TASP1: variants seen among roughly 807,000 people sequenced by gnomAD.
The protein encoded by TASP1 is threonine aspartase 1.
In TASP1, 16 loss-of-function variants were observed where a neutral mutation model predicts 56.6. That is an observed-to-expected ratio of 0.28 (90% CI 0.19 to 0.43). TASP1 has a LOEUF of 0.43. TASP1 is among the 20% of genes least tolerant of loss of function. The pLI, the probability that TASP1 is intolerant of heterozygous loss-of-function variation, is 1.00. For missense variants in TASP1, 393 were observed against 511.6 expected, an observed-to-expected ratio of 0.77 and a Z score of 2.24; for synonymous variants, 179 against 184.2, an observed-to-expected ratio of 0.97 and a Z score of 0.23.
At chr20:13,108,652 G>GGT in the TASP1 span, among the ~76,000 whole-genome samples, 1 of 151,768 alleles carries the variant, frequency 6.6e-6, no homozygotes, top group East Asian at 1.9e-4. Context: ...TCGGCTCACT[G>GGT]CAACATCCGT....
intron 4 of TASP1, among the ~76,000 whole-genome samples, chr20:13,609,672 G>A (rs571261356): frequency 1.7e-3 from 201 of 115,032 alleles, no homozygotes; most frequent in Non-Finnish European, 2.5e-3. Flanking sequence ...GGCAACAAGC[G>A]CAAAACTCTG....
chr20:13,282,723 G>A, the TASP1 span, among the ~76,000 whole-genome samples: 1 of 152,214 alleles, frequency 6.6e-6, no homozygotes, highest in Admixed American at 6.5e-5. Flanking sequence ...GTCGTGTTCT[G>A]TGCAGTACCT....
chr20:13,335,280 C>T, the TASP1 span, among the ~76,000 whole-genome samples: 1 of 151,744 alleles, frequency 6.6e-6, no homozygotes, highest in Non-Finnish European at 1.5e-5. Context: ...GGACACCCCC[C>T]ATTCCCTTCC....
chr20:13,154,442 AC>A, the TASP1 span, among the ~76,000 whole-genome samples: 1 of 152,206 alleles, frequency 6.6e-6, no homozygotes, highest in South Asian at 2.1e-4. Flanking sequence ...CCTCCTTCTG[AC>A]CCAAGATCGT....
chr20:13,435,202 A>G (rs775645826), intron 11 of TASP1, 48 bp from the exon 12 acceptor site: 1 of 1,384,436 alleles, frequency 7.2e-7, no homozygotes, highest in African/African-American at 1.5e-5. Context: ...TTTACTTTTT[A>G]AATTTTCAAT....
chr20:13,330,787 A>C, the TASP1 span, among the ~76,000 whole-genome samples: 2 of 152,274 alleles, frequency 1.3e-5, no homozygotes, highest in Non-Finnish European at 2.9e-5. Context: ...GGATTGTAGA[A>C]TTTATATGCA....
the TASP1 span, among the ~76,000 whole-genome samples, chr20:13,302,115 A>T: frequency 6.6e-6 from 1 of 152,214 alleles, no homozygotes; most frequent in South Asian, 2.1e-4. Context: ...TGTCTAAGGT[A>T]TTTTTGTTAA....
At chr20:13,294,744 C>T in the TASP1 span, among the ~76,000 whole-genome samples, 1 of 152,176 alleles carries the variant, frequency 6.6e-6, no homozygotes, top group Non-Finnish European at 1.5e-5. Flanking sequence ...ACAGCCTATC[C>T]CAGCTGGCAG....
intron 11 of TASP1, among the ~76,000 whole-genome samples, chr20:13,473,421 G>C (rs1300443071): frequency 6.6e-6 from 1 of 151,948 alleles, no homozygotes; most frequent in Non-Finnish European, 1.5e-5. Context: ...AACCAACATG[G>C]CACATGTATA....
the TASP1 span, among the ~76,000 whole-genome samples, chr20:13,144,873 C>T: frequency 6.6e-5 from 10 of 152,164 alleles, no homozygotes; most frequent in Non-Finnish European, 1.2e-4. Flanking sequence ...CTCCCAGGTT[C>T]ACACCATTCT....
At chr20:13,286,839 C>T in the TASP1 span, among the ~76,000 whole-genome samples, 40 of 152,320 alleles carry the variant, frequency 2.6e-4, no homozygotes, top group Non-Finnish European at 7.3e-5. Flanking sequence ...TAATAACAAT[C>T]GCCACGACCT....
At chr20:13,373,703 T>C in the TASP1 span, among the ~76,000 whole-genome samples, 1 of 152,132 alleles carries the variant, frequency 6.6e-6, no homozygotes. Flanking sequence ...AATTTCAGTA[T>C]TTTTTCTATG....
At chr20:13,391,693 C>A (rs948736150) in intron 13 of TASP1, among the ~76,000 whole-genome samples, 3 of 152,094 alleles carry the variant, frequency 2.0e-5, no homozygotes, top group African/African-American at 7.2e-5. Flanking sequence ...TTAGGCCGGG[C>A]GTGGTGGCTC....
At chr20:13,262,850 A>C in the TASP1 span, among the ~76,000 whole-genome samples, 1 of 152,166 alleles carries the variant, frequency 6.6e-6, no homozygotes, top group African/African-American at 2.4e-5. Flanking sequence ...CCCATTCTTC[A>C]TTTCTTCTAA....
intron 11 of TASP1, among the ~76,000 whole-genome samples, chr20:13,454,527 G>T (rs1428779899): frequency 6.6e-6 from 1 of 152,146 alleles, no homozygotes; most frequent in Non-Finnish European, 1.5e-5. Flanking sequence ...CATGACTGAG[G>T]ACTGAAGCCA....
chr20:13,125,974 G>A, the TASP1 span, among the ~76,000 whole-genome samples: 1 of 152,132 alleles, frequency 6.6e-6, no homozygotes, highest in Non-Finnish European at 1.5e-5. Flanking sequence ...CTGCTTTCTT[G>A]CTTCTGTTCC....
chr20:13,625,133 C>G, intron 3 of TASP1, 52 bp downstream of exon 3: 3 of 1,325,014 alleles, frequency 2.3e-6, no homozygotes, highest in Non-Finnish European at 3.1e-6. Flanking sequence ...CAAGGTAAAA[C>G]TGCTTTCTGT....
chr20:13,613,554 C>T (rs1457669984), intron 4 of TASP1, among the ~76,000 whole-genome samples: 1 of 151,822 alleles, frequency 6.6e-6, no homozygotes, highest in Non-Finnish European at 1.5e-5. Context: ...TATTTTCATC[C>T]ATGTATTGAA....
chr20:13,356,052 T>C, the TASP1 span, among the ~76,000 whole-genome samples: 1 of 152,226 alleles, frequency 6.6e-6, no homozygotes, highest in Non-Finnish European at 1.5e-5. Context: ...TGGGATTTCA[T>C]CTCACTCTTT....
Sources: allele counts gnomAD v4.1 joint callset (sites outside exome capture counted in the v4.1 genomes callset), GRCh38; gene constraint gnomAD v4.1.1; transcripts MANE v1.5; gene names NCBI Gene and HGNC (gene_info 2026-07-23, HGNC 2026-07-21).